DNAJC15: variants seen among roughly 807,000 people sequenced by gnomAD.
DNAJC15 encodes the protein dnaJ homolog subfamily C member 15.
Under a neutral mutation model 22.4 loss-of-function variants are expected in DNAJC15, and 27 were observed. The observed-to-expected ratio is 1.20, with a 90% confidence interval of 0.89 to 1.66. DNAJC15 has a LOEUF of 1.66. Ranked by LOEUF, DNAJC15 falls within the 40% of genes most tolerant of loss-of-function variation. The pLI is 0.00. For missense variants in DNAJC15, 208 were observed against 187.1 expected, an observed-to-expected ratio of 1.11 and a Z score of -0.65; for synonymous variants, 79 against 63.2, an observed-to-expected ratio of 1.25 and a Z score of -1.19.
At chr13:43,055,228 A>C (rs2040524485) in intron 1 of DNAJC15, among the ~76,000 whole-genome samples, 1 of 151,080 alleles carries the variant, frequency 6.6e-6, no homozygotes, top group Non-Finnish European at 1.5e-5. Context: ...TCCAGGAATA[A>C]AGTGAGAGCT....
At chr13:43,077,929 A>G (rs1450446332) in intron 3 of DNAJC15, among the ~76,000 whole-genome samples, 2 of 152,174 alleles carry the variant, frequency 1.3e-5, no homozygotes, top group African/African-American at 4.8e-5. Context: ...TGTTTTCTGA[A>G]CTGGTCTGCT....
At chr13:43,038,484 T>C (rs1277678425) in intron 1 of DNAJC15, among the ~76,000 whole-genome samples, 1 of 152,158 alleles carries the variant, frequency 6.6e-6, no homozygotes, top group African/African-American at 2.4e-5. Flanking sequence ...GTATTAAACA[T>C]AGGAGTATTA....
At chr13:43,075,578 T>G (rs527754366) in intron 3 of DNAJC15, among the ~76,000 whole-genome samples, 1 of 152,348 alleles carries the variant, frequency 6.6e-6, no homozygotes, top group Non-Finnish European at 1.5e-5. Flanking sequence ...CTAAATCAAC[T>G]AATTACCTTT....
chr13:43,101,389 C>G (rs1355398287), intron 5 of DNAJC15, among the ~76,000 whole-genome samples: 1 of 152,106 alleles, frequency 6.6e-6, no homozygotes, highest in Non-Finnish European at 1.5e-5. Context: ...ATTGTTTAAT[C>G]CTTTCTCATT....
At chr13:43,032,903 C>T (rs1287056315) in intron 1 of DNAJC15, among the ~76,000 whole-genome samples, 1 of 152,152 alleles carries the variant, frequency 6.6e-6, no homozygotes, top group East Asian at 1.9e-4. Flanking sequence ...ATAGGCTGTA[C>T]AGGAAGCATG....
intron 1 of DNAJC15, among the ~76,000 whole-genome samples, chr13:43,048,383 T>C: frequency 6.6e-6 from 1 of 151,690 alleles, no homozygotes; most frequent in East Asian, 1.9e-4. Context: ...TCCCAGCTAC[T>C]GGGGAGGCTG....
At chr13:43,090,709 CTTT>C (rs5803165) in intron 5 of DNAJC15, among the ~76,000 whole-genome samples, 63 of 139,518 alleles carry the variant, frequency 4.5e-4, no homozygotes, top group Non-Finnish European at 4.8e-4. Context: ...TTCTTTCTTT[CTTT>C]TTTTTTTTTT....
intron 3 of DNAJC15, among the ~76,000 whole-genome samples, chr13:43,073,040 T>G (rs2040616264): frequency 6.6e-6 from 1 of 152,244 alleles, no homozygotes; most frequent in Non-Finnish European, 1.5e-5. Flanking sequence ...TGTTATGTGT[T>G]CATATTGGTT....
intron 2 of DNAJC15, among the ~76,000 whole-genome samples, chr13:43,066,097 G>A (rs987769940): frequency 6.6e-6 from 1 of 152,016 alleles, no homozygotes; most frequent in Non-Finnish European, 1.5e-5. Flanking sequence ...TTGCAGACAG[G>A]TTTATACATT....
chr13:43,099,281 A>G (rs1054954354), intron 5 of DNAJC15, among the ~76,000 whole-genome samples: 1 of 152,152 alleles, frequency 6.6e-6, no homozygotes, highest in African/African-American at 2.4e-5. Flanking sequence ...TCTAATAGTT[A>G]TTGGTGGATT....
At chr13:43,034,028 CAAAA>C (rs568856935) in intron 1 of DNAJC15, among the ~76,000 whole-genome samples, 6 of 108,666 alleles carry the variant, frequency 5.5e-5, no homozygotes, top group Admixed American at 9.4e-5. Context: ...AACTTCATCT[CAAAA>C]AAAAAAAAAA....
At chr13:43,045,528 C>T (rs1056887388) in intron 1 of DNAJC15, among the ~76,000 whole-genome samples, 4 of 152,170 alleles carry the variant, frequency 2.6e-5, no homozygotes, top group African/African-American at 9.7e-5. Context: ...GTTTCATGCA[C>T]TGGTAGTCAG....
intron 5 of DNAJC15, among the ~76,000 whole-genome samples, chr13:43,095,061 T>G (rs959305915): frequency 1.3e-5 from 2 of 152,138 alleles, no homozygotes; most frequent in African/African-American, 4.8e-5. Context: ...TTGCTTTTAG[T>G]GTGAGCATCT....
chr13:43,090,387 T>A (rs540904746), intron 5 of DNAJC15, among the ~76,000 whole-genome samples: 1 of 152,210 alleles, frequency 6.6e-6, no homozygotes, highest in Non-Finnish European at 1.5e-5. Flanking sequence ...CTAAGTTAGG[T>A]TGTAGTTCAT....
At chr13:43,057,015 T>G (rs377207895) in intron 1 of DNAJC15, among the ~76,000 whole-genome samples, 1 of 152,226 alleles carries the variant, frequency 6.6e-6, no homozygotes, top group East Asian at 1.9e-4. Context: ...ATAGATTACC[T>G]GATATTTTTG....
At position 43,107,387 on chromosome 13, in the gene DNAJC15, T is replaced by G; in HGVS notation, c.*139T>G. 1 of 563,476 alleles carries G rather than the reference T, an allele frequency of 1.8e-6. No homozygotes were observed. The allele number at this position is 563,476 out of a possible 1,614,324, so 34.9% of individuals were successfully genotyped here. Reference sequence around the variant, plus strand: ...TCTTATCTTCCACCATTAAGCTGTATAACAATAAAATGTTAATAGTCTTGC... The same window carrying G: ...TCTTATCTTCCACCATTAAGCTGTAGAACAATAAAATGTTAATAGTCTTGC... On this transcript the variant is annotated 3_prime_UTR_variant, in exon 6 of 6. Coordinates refer to ENST00000379221, the MANE Select transcript of DNAJC15 (RefSeq NM_013238.3).
At chr13:43,050,381 C>T (rs1293297581) in intron 1 of DNAJC15, among the ~76,000 whole-genome samples, 1 of 152,044 alleles carries the variant, frequency 6.6e-6, no homozygotes, top group African/African-American at 2.4e-5. Flanking sequence ...TCACAGCTCA[C>T]TGTGGCCTCA....
At chr13:43,034,569 C>G (rs2040420550) in intron 1 of DNAJC15, among the ~76,000 whole-genome samples, 1 of 151,928 alleles carries the variant, frequency 6.6e-6, no homozygotes, top group Non-Finnish European at 1.5e-5. Flanking sequence ...CCCGCCTCGG[C>G]CTCCCAAAGT....
rs189680861 is a variant in DNAJC15, at chr13:43,058,961, G to A, written c.109-6725G>A. Among the ~76,000 whole-genome samples the A allele has an allele frequency of 6.8e-4, 103 of 152,278 alleles. 2 individuals carry two copies. The South Asian group carries it at 0.016, about 24-fold the overall frequency. ...CCTCTCACACTTTGGGCACTTAACG[G>A]TTTTTCTGCTGTCTCATGGAGTCTG... On this transcript the variant is annotated intron_variant, in intron 1 of 5. Transcript: ENST00000379221.
Sources: allele counts gnomAD v4.1 joint callset (sites outside exome capture counted in the v4.1 genomes callset), GRCh38; gene constraint gnomAD v4.1.1; transcripts MANE v1.5; gene names NCBI Gene and HGNC (gene_info 2026-07-23, HGNC 2026-07-21).